GPR89B: variants seen among roughly 807,000 people sequenced by gnomAD.
The protein encoded by GPR89B is golgi pH regulator B, also known as G protein-coupled receptor 89B.
A neutral mutation model predicts 52.4 loss-of-function variants in GPR89B; 25 were observed. The observed-to-expected ratio is 0.48, with a 90% CI of 0.35 to 0.67. The LOEUF is 0.67. Ranked by LOEUF, GPR89B falls within the 30% of genes least tolerant of loss-of-function variation. GPR89B has a pLI of 0.01. For missense variants in GPR89B, 146 were observed against 450.2 expected, an observed-to-expected ratio of 0.32 and a Z score of 6.11; for synonymous variants, 52 against 151.2, an observed-to-expected ratio of 0.34 and a Z score of 4.81.
chr1:148,020,502 G>A, the GPR89B span, among the ~76,000 whole-genome samples: 131 of 151,428 alleles, frequency 8.7e-4, 1 homozygote, highest in South Asian at 0.026. Flanking sequence ...TAGAATTCTC[G>A]CCTCCCACCC....
At position 147,988,351 on chromosome 1, in the gene GPR89B, G is replaced by A. The variant is rs1268472995; in HGVS notation, c.1006-81G>A. ...TAATAAAGCTCCCTCTCACAGTCAT[G>A]TAAATGATTGGGATATAGCTTAGCC... On this transcript the variant is annotated intron_variant, in intron 11 of 13. Coordinates refer to ENST00000314163, the MANE Select transcript of GPR89B (RefSeq NM_016334.5). The A allele has an allele frequency of 1.6e-5, 25 of 1,591,932 alleles. No individual in the cohort carries two copies. The African/African-American group carries it at 3.1e-4, about 20-fold the overall frequency.
At chr1:148,009,200 G>A in the GPR89B span, 28 of 696,078 alleles carry the variant, frequency 4.0e-5, no homozygotes, top group Non-Finnish European at 5.6e-5. Flanking sequence ...AGTGAGAGAC[G>A]GAGGGAGGCA....
the GPR89B span, among the ~76,000 whole-genome samples, chr1:148,017,485 A>G: frequency 2.0e-5 from 3 of 150,228 alleles, no homozygotes; most frequent in Non-Finnish European, 4.4e-5. Flanking sequence ...CTGTAATCCC[A>G]GCACTTTGGG....
At chr1:147,945,685 T>C (rs1553249660) in intron 5 of GPR89B, among the ~76,000 whole-genome samples, 2 of 152,068 alleles carry the variant, frequency 1.3e-5, no homozygotes, top group African/African-American at 4.8e-5. Flanking sequence ...CTGCTCTCTA[T>C]ACATGTTGCA....
Position 147,992,535 on chromosome 1 carries a change from A to C in GPR89B, c.1129A>C (p.Asn377His). 1 of 1,611,604 alleles carries C rather than the reference A, an allele frequency of 6.2e-7. No homozygotes were observed. Among genetic ancestry groups the C allele is most frequent in the Non-Finnish European group, 8.5e-7 (1 of 1,179,606 alleles). ...TGCCATCTCTAGCAGTAAGTCCTCC[A>C]ATGTCATTGTCCTGCTATTAGCACA... ...FYAISSSKSS[N>H]VIVLLLAQIM... The change falls in exon 13 of 14, where the codon AAT (asparagine) becomes CAT (histidine). Residue 377 changes from asparagine (N) to histidine (H), a missense_variant. Coordinates refer to ENST00000314163, the MANE Select transcript of GPR89B (RefSeq NM_016334.5).
chr1:147,962,672 G>A (rs1222004401), intron 7 of GPR89B, among the ~76,000 whole-genome samples: 38 of 151,844 alleles, frequency 2.5e-4, no homozygotes, highest in African/African-American at 3.9e-4. Context: ...CAAGGCGGAC[G>A]GATCACTTAA....
Position 147,928,427 on chromosome 1 carries a change from C to G in GPR89B, c.-110C>G, listed in dbSNP as rs587691220. ...GCGTCGGGCTGGAGAGCCGCAGTCC[C>G]GGCTGCAGCACCTGGGAGAAGGCAG... On this transcript the variant is annotated 5_prime_UTR_variant, in exon 1 of 14. Transcript: ENST00000314163. The G allele has an allele frequency of 4.8e-5, 64 of 1,331,142 alleles. No individual in the cohort carries two copies. The East Asian group carries it at 1.4e-3, about 29-fold the overall frequency. The allele number at this position is 1,331,142 out of a possible 1,614,324, so 82.5% of individuals were successfully genotyped here. A position where few individuals can be genotyped will look rare whatever the true frequency, so the allele number is the denominator to read the frequency against.
At chr1:147,929,481 C>T (rs587598963) in intron 1 of GPR89B, among the ~76,000 whole-genome samples, 4 of 152,286 alleles carry the variant, frequency 2.6e-5, no homozygotes, top group Non-Finnish European at 5.9e-5. Flanking sequence ...TAATTGTTGG[C>T]CAATATTTGT....
At chr1:147,969,426 A>C in intron 9 of GPR89B, 1 of 206,636 alleles carries the variant, frequency 4.8e-6, no homozygotes, top group Non-Finnish European at 9.7e-6. Flanking sequence ...TTAAATGTGC[A>C]AAATCTGTTA....
At chr1:147,949,694 G>A (rs192326616) in intron 5 of GPR89B, among the ~76,000 whole-genome samples, 4,937 of 136,622 alleles carry the variant, frequency 0.036, 176 homozygotes, top group African/African-American at 0.06. Context: ...CCTCCTTCGC[G>A]GACGGGGCAG....
At chr1:147,949,800 G>A (rs1655417712) in intron 5 of GPR89B, among the ~76,000 whole-genome samples, 1 of 144,360 alleles carries the variant, frequency 6.9e-6, no homozygotes, top group Non-Finnish European at 1.5e-5. Context: ...GCAGGGGGCT[G>A]ACCCCCCGAC....
chr1:147,979,558 G>A (rs1448248053), intron 10 of GPR89B, among the ~76,000 whole-genome samples: 1 of 152,062 alleles, frequency 6.6e-6, no homozygotes, highest in African/African-American at 2.4e-5. Context: ...AAGTTCCATT[G>A]TAATCATAGT....
At chr1:147,960,681 GTC>G (rs1322655767) in intron 7 of GPR89B, among the ~76,000 whole-genome samples, 1 of 144,446 alleles carries the variant, frequency 6.9e-6, no homozygotes, top group African/African-American at 2.6e-5. Flanking sequence ...GTGAAACCCT[GTC>G]TCTACCAAAA....
At chr1:147,928,853 C>A (rs1653266003) in intron 1 of GPR89B, 1 of 183,346 alleles carries the variant, frequency 5.5e-6, no homozygotes, top group African/African-American at 2.4e-5. Flanking sequence ...GACCTCCAGG[C>A]TAAGAGCCGG....
chr1:148,011,615 C>G, the GPR89B span: 2 of 152,162 alleles, frequency 1.3e-5, no homozygotes, highest in African/African-American at 4.8e-5. Flanking sequence ...CGTGGGGAGA[C>G]GAGGGGAGCA....
chr1:147,985,020 G>A (rs1658563002), intron 10 of GPR89B, among the ~76,000 whole-genome samples: 1 of 152,132 alleles, frequency 6.6e-6, no homozygotes, highest in Non-Finnish European at 1.5e-5. Flanking sequence ...TTCATTGATA[G>A]TATTATTAGA....
downstream of GPR89B, chr1:147,995,875 G>A (rs1184981814): frequency 4.0e-5 from 57 of 1,421,744 alleles, no homozygotes; most frequent in South Asian, 5.7e-4. Context: ...CAGCAGGACC[G>A]CCCTTCTGTA....
chr1:148,005,893 C>T, the GPR89B span, among the ~76,000 whole-genome samples: 1 of 152,146 alleles, frequency 6.6e-6, no homozygotes, highest in South Asian at 2.1e-4. Flanking sequence ...CTGGATTTGC[C>T]TGCCTTGTCC....
intron 1 of GPR89B, 106 bp downstream of exon 1, chr1:147,928,684 C>CTT: frequency 1.4e-6 from 2 of 1,474,336 alleles, no homozygotes; most frequent in Non-Finnish European, 1.9e-6. Flanking sequence ...TCCTCTCTTA[C>CTT]GCGGCCTGCG....
Sources: gnomAD v4.1 joint callset for allele counts (sites outside exome capture counted in the v4.1 genomes callset) on GRCh38, gnomAD v4.1.1 for gene constraint, MANE v1.5 for transcripts, NCBI Gene and HGNC (gene_info 2026-07-23, HGNC 2026-07-21) for gene names.